The following MAML2 variants were observed in gnomAD, a reference collection of about 807,000 sequenced individuals.
MAML2 encodes the protein mastermind like transcriptional coactivator 2, also known as mastermind-like protein 2.
In MAML2, 22 loss-of-function variants were observed where a neutral mutation model predicts 96.1. The ratio of observed to expected loss-of-function variants is 0.23; its 90% CI spans 0.16 to 0.33. The LOEUF (loss-of-function observed/expected upper bound fraction) is 0.33, where lower values mean the gene tolerates loss of function less well. MAML2 is among the 10% of genes least tolerant of loss of function. The pLI, the probability that MAML2 is intolerant of heterozygous loss-of-function variation, is 1.00. For synonymous variants in MAML2, 561 were observed against 521.3 expected (o/e 1.08, Z -1.04); for missense variants, 1,367 against 1,392.4 (o/e 0.98, Z 0.29).
chr11:95,992,420 G>T (rs933648589), intron 2 of MAML2, among the ~76,000 whole-genome samples: 2 of 152,170 alleles, frequency 1.3e-5, no homozygotes, highest in Admixed American at 6.6e-5. Context: ...TTGGTGAACT[G>T]CCTTTCTAAT....
At chr11:95,982,187 C>A (rs551434160) in intron 4 of MAML2, among the ~76,000 whole-genome samples, 1 of 152,076 alleles carries the variant, frequency 6.6e-6, no homozygotes, top group Admixed American at 6.6e-5. Flanking sequence ...TGATTCTGAC[C>A]CACTTGAGTG....
At chr11:96,156,155 G>C (rs1861007919) in intron 1 of MAML2, among the ~76,000 whole-genome samples, 1 of 152,120 alleles carries the variant, frequency 6.6e-6, no homozygotes. Flanking sequence ...CACATGGTCA[G>C]ACTCTCTCCC....
chr11:96,176,428 G>C (rs1861389499), intron 1 of MAML2, among the ~76,000 whole-genome samples: 1 of 152,154 alleles, frequency 6.6e-6, no homozygotes, highest in African/African-American at 2.4e-5. Flanking sequence ...AAATAATTAA[G>C]TGTTTTAGGG....
chr11:96,258,347 GA>G (rs1862697620), intron 1 of MAML2, among the ~76,000 whole-genome samples: 2 of 152,088 alleles, frequency 1.3e-5, no homozygotes, highest in Admixed American at 1.3e-4. Flanking sequence ...TTAGCAGCAA[GA>G]AAAAATGTTT....
intron 1 of MAML2, among the ~76,000 whole-genome samples, chr11:96,098,624 T>C (rs2135818973): frequency 6.6e-6 from 1 of 152,342 alleles, no homozygotes; most frequent in South Asian, 2.1e-4. Flanking sequence ...CAGCAAACTG[T>C]TTCTTTTCAC....
At chr11:96,287,518 A>C (rs1044806389) in intron 1 of MAML2, among the ~76,000 whole-genome samples, 6 of 152,220 alleles carry the variant, frequency 3.9e-5, no homozygotes, top group Admixed American at 3.9e-4. Context: ...TAAAGCAAAA[A>C]TAAACTAAGA....
intron 1 of MAML2, among the ~76,000 whole-genome samples, chr11:96,314,803 G>A (rs940688491): frequency 1.3e-5 from 2 of 152,228 alleles, no homozygotes; most frequent in Non-Finnish European, 2.9e-5. Flanking sequence ...TGGGTCCAGA[G>A]GGGAAGTAGT....
At chr11:96,192,043 T>C (rs920545185) in intron 1 of MAML2, among the ~76,000 whole-genome samples, 3 of 152,062 alleles carry the variant, frequency 2.0e-5, no homozygotes, top group African/African-American at 7.2e-5. Flanking sequence ...TTCCCACAAA[T>C]CCTAACTATG....
intron 1 of MAML2, among the ~76,000 whole-genome samples, chr11:96,181,529 T>G (rs1300784358): frequency 6.6e-6 from 1 of 152,228 alleles, no homozygotes; most frequent in Non-Finnish European, 1.5e-5. Flanking sequence ...AATCTTCCTT[T>G]ACTTTCTTTT....
chr11:96,176,384 C>T (rs1460643048), intron 1 of MAML2, among the ~76,000 whole-genome samples: 1 of 152,150 alleles, frequency 6.6e-6, no homozygotes, highest in Non-Finnish European at 1.5e-5. Flanking sequence ...GATTTATATA[C>T]ATTATTACAC....
chr11:96,122,887 G>A (rs113338481), intron 1 of MAML2, among the ~76,000 whole-genome samples: 2,735 of 152,372 alleles, frequency 0.018, 90 homozygotes, highest in African/African-American at 0.062. Context: ...CCTTTAAGGT[G>A]TTGGTGCTGG....
chr11:96,039,969 A>C (rs1380642128), intron 2 of MAML2, among the ~76,000 whole-genome samples: 1 of 151,746 alleles, frequency 6.6e-6, no homozygotes, highest in Non-Finnish European at 1.5e-5. Context: ...GTCTCAAAAA[A>C]AAAAAAAAAA....
At chr11:96,244,127 G>GCGGC (rs1218955698) in intron 1 of MAML2, among the ~76,000 whole-genome samples, 1 of 152,168 alleles carries the variant, frequency 6.6e-6, no homozygotes, top group East Asian at 1.9e-4. Context: ...TTGGGGCTGT[G>GCGGC]CGGCCTAATG....
chr11:96,268,841 C>T lies in MAML2; in HGVS notation c.513+72542G>A, dbSNP rs1862869522. On this transcript the variant is annotated intron_variant, in intron 1 of 4. Coordinates refer to ENST00000524717, the MANE Select transcript of MAML2 (RefSeq NM_032427.4). ...TTGCCTTCTGCCATAACTGTAAGGC[C>T]TCCCTCACTATGCAGAACTGTGAGT... 1.4e-5 allele frequency among the ~76,000 whole-genome samples: 2 copies of T among 145,188 alleles called. 1 individual carries two copies. Among genetic ancestry groups the T allele is most frequent in the African/African-American group, 5.3e-5 (2 of 37,986 alleles).
chr11:96,115,819 G>A (rs1435103874), intron 1 of MAML2, among the ~76,000 whole-genome samples: 1 of 152,194 alleles, frequency 6.6e-6, no homozygotes, highest in African/African-American at 2.4e-5. Context: ...GTAGCTACAA[G>A]CATTCCAGGT....
At position 95,979,466 on chromosome 11, in the gene MAML2, G is replaced by A. The variant is rs371907629; in HGVS notation, c.2953C>T (p.Arg985Cys). 94 of 1,613,534 alleles carry A rather than the reference G, an allele frequency of 5.8e-5. No individual in the cohort carries two copies. Among genetic ancestry groups the A allele is most frequent in the Middle Eastern group, 1.6e-4 (1 of 6,062 alleles). Reference protein sequence around the residue: ...QQEALTSAGVRFPTGTPAAYT... With the variant: ...QQEALTSAGVCFPTGTPAAYT... ...GCTGCAGGTGTACCTGTGGGGAAGC[G>A]GACTCCTGCAGACGTCAGGGCTTCT... The change falls in exon 5 of 5, where the codon CGC becomes TGC. Residue 985 changes from arginine to cysteine, a missense_variant. Coordinates refer to ENST00000524717, the MANE Select transcript of MAML2 (RefSeq NM_032427.4).
chr11:96,033,032 T>C (rs1443985134), intron 2 of MAML2, among the ~76,000 whole-genome samples: 4 of 152,234 alleles, frequency 2.6e-5, no homozygotes, highest in Non-Finnish European at 2.9e-5. Context: ...ATGTAAATTA[T>C]AGCTTAATTT....
intron 1 of MAML2, among the ~76,000 whole-genome samples, chr11:96,285,145 C>A (rs1863121394): frequency 6.6e-6 from 1 of 152,162 alleles, no homozygotes; most frequent in Admixed American, 6.5e-5. Context: ...AACATTTTGA[C>A]ATGACTCTCT....
rs1862143940 is a variant in MAML2 at position 96,221,834 on chromosome 11, A to T, written c.513+119549T>A. 2.6e-5 allele frequency among the ~76,000 whole-genome samples: 4 copies of T among 152,106 alleles called. No individual in the cohort carries two copies. In the South Asian group the frequency reaches 8.3e-4, roughly 32 times the overall value. On this transcript the variant is annotated intron_variant, in intron 1 of 4. Coordinates refer to ENST00000524717, the MANE Select transcript of MAML2 (RefSeq NM_032427.4). ...ATGTGGCAGATGTGAGCAGAAGAACAAGGTCAGCACACATAGGACCAGGTC... is the reference window on the plus strand; with the variant it reads ...ATGTGGCAGATGTGAGCAGAAGAACTAGGTCAGCACACATAGGACCAGGTC...
Sources: gnomAD v4.1 joint callset for allele counts (sites outside exome capture counted in the v4.1 genomes callset) on GRCh38, gnomAD v4.1.1 for gene constraint, MANE v1.5 for transcripts, NCBI Gene and HGNC (gene_info 2026-07-23, HGNC 2026-07-21) for gene names.